ADAM32: variants seen among roughly 807,000 people sequenced by gnomAD.
ADAM32 encodes the protein disintegrin and metalloproteinase domain-containing protein 32.
ADAM32 carries 89 observed loss-of-function variants against 114.9 expected under a neutral mutation model. The ratio of observed to expected loss-of-function variants is 0.77; its 90% confidence interval spans 0.65 to 0.92. The LOEUF (loss-of-function observed/expected upper bound fraction) is 0.92, where lower values mean the gene tolerates loss of function less well. ADAM32 is among the 40% of genes least tolerant of loss of function. The probability of loss-of-function intolerance (pLI) is 0.00; values close to 1 mark genes in which losing one functional copy is unlikely to be tolerated. For missense variants in ADAM32, 870 were observed against 932.8 expected (o/e 0.93, Z 0.88); for synonymous variants, 285 against 307.5 (o/e 0.93, Z 0.77).
At chr8:39,162,786 A>G (rs948368614) in intron 7 of ADAM32, among the ~76,000 whole-genome samples, 4 of 152,162 alleles carry the variant, frequency 2.6e-5, no homozygotes, top group Non-Finnish European at 5.9e-5. Flanking sequence ...GGATCACCTG[A>G]GGTCAGGAGT....
intron 17 of ADAM32, 116 bp from the exon 18 acceptor site, chr8:39,254,298 C>G: frequency 1.5e-6 from 1 of 687,136 alleles, no homozygotes; most frequent in South Asian, 2.0e-5. Context: ...ATATGTGAGA[C>G]TGTCGCTCTA....
At position 39,262,943 on chromosome 8, in the gene ADAM32, A is replaced by G. The variant is rs146091823; in HGVS notation, c.2162+5600A>G. 7.2e-3 allele frequency among the ~76,000 whole-genome samples: 1,090 copies of G among 152,106 alleles called. 17 individuals carry two copies. The highest frequency in any genetic ancestry group is 0.024 in the African/African-American group (1,010 of 41,512). ...GGCTGGTCTCAAACTCCTGGCCTCAAGTGATCTGCCCACCTTGGCTTTGCA... is the reference window on the plus strand; with the variant it reads ...GGCTGGTCTCAAACTCCTGGCCTCAGGTGATCTGCCCACCTTGGCTTTGCA... On this transcript the variant is annotated intron_variant, in intron 19 of 24. Coordinates refer to ENST00000379907, the MANE Select transcript of ADAM32 (RefSeq NM_145004.7).
intron 16 of ADAM32, among the ~76,000 whole-genome samples, chr8:39,235,559 G>C (rs1280491118): frequency 2.0e-5 from 3 of 152,152 alleles, no homozygotes; most frequent in African/African-American, 7.2e-5. Flanking sequence ...GAGATGATTT[G>C]ATAAGTAATT....
intron 17 of ADAM32, 134 bp from the exon 18 acceptor site, chr8:39,254,280 A>T: frequency 1.6e-6 from 1 of 633,964 alleles, no homozygotes; most frequent in Non-Finnish European, 2.5e-6. Context: ...TAAGAAACCA[A>T]ACATTTGATA....
At chr8:39,174,548 G>A (rs923777006) in intron 10 of ADAM32, among the ~76,000 whole-genome samples, 2 of 151,664 alleles carry the variant, frequency 1.3e-5, no homozygotes, top group African/African-American at 4.8e-5. Context: ...TAGGGTACAT[G>A]TGCACAATGT....
chr8:39,258,220 G>T (rs1292822540), intron 19 of ADAM32, among the ~76,000 whole-genome samples: 2 of 151,380 alleles, frequency 1.3e-5, no homozygotes, highest in African/African-American at 4.8e-5. Context: ...TTTCATTGTG[G>T]TCTCTATTTC....
At chr8:39,213,819 G>T (rs922197400) in intron 12 of ADAM32, among the ~76,000 whole-genome samples, 3 of 151,664 alleles carry the variant, frequency 2.0e-5, no homozygotes, top group Middle Eastern at 3.4e-3. Flanking sequence ...TTACTCCCTT[G>T]TCCCCTCCCC....
chr8:39,246,908 C>G (rs768591323), intron 17 of ADAM32, among the ~76,000 whole-genome samples: 5 of 152,096 alleles, frequency 3.3e-5, no homozygotes, highest in Admixed American at 1.3e-4. Flanking sequence ...TACTGTTTTC[C>G]TAGGTTTTTC....
intron 6 of ADAM32, among the ~76,000 whole-genome samples, chr8:39,154,245 T>C (rs1262878671): frequency 6.6e-6 from 1 of 152,004 alleles, no homozygotes; most frequent in Non-Finnish European, 1.5e-5. Context: ...TGTGTCCATG[T>C]GTTCTCATTG....
intron 2 of ADAM32, among the ~76,000 whole-genome samples, chr8:39,120,004 G>T (rs1840525672): frequency 6.6e-6 from 1 of 152,182 alleles, no homozygotes; most frequent in South Asian, 2.1e-4. Context: ...CAAACTGAAG[G>T]TCATGAAAGG....
chr8:39,161,034 G>C, intron 7 of ADAM32, 69 bp downstream of exon 7: 2 of 1,342,706 alleles, frequency 1.5e-6, no homozygotes, highest in Middle Eastern at 1.8e-4. Context: ...TAGCTAGCTA[G>C]ACAGAAACTA....
intron 3 of ADAM32, among the ~76,000 whole-genome samples, chr8:39,141,694 T>A (rs1026826347): frequency 8.5e-5 from 13 of 152,222 alleles, no homozygotes; most frequent in African/African-American, 3.1e-4. Context: ...GTTCTGTATA[T>A]GTCTATTAGG....
At chr8:39,245,780 T>C (rs1810876268) in intron 16 of ADAM32, among the ~76,000 whole-genome samples, 1 of 152,224 alleles carries the variant, frequency 6.6e-6, no homozygotes, top group African/African-American at 2.4e-5. Flanking sequence ...TATTTAGATG[T>C]TTGCTAAAAC....
In ADAM32 at chr8:39,275,619, A is replaced by G. The variant is rs575937218; in HGVS notation, c.2241-209A>G. On this transcript the variant is annotated intron_variant, in intron 21 of 24. Coordinates refer to ENST00000379907, the MANE Select transcript of ADAM32 (RefSeq NM_145004.7). The stretch of plus-strand genomic sequence containing the variant: ...TCCTCTGCTTAGTTGAATATTTGAA[A>G]TTTAAACTTTTTATGGACATTGTAT... 2.7e-4 allele frequency among the ~76,000 whole-genome samples: 41 copies of G among 152,376 alleles called. 1 individual carries two copies. Among genetic ancestry groups the G allele is most frequent in the African/African-American group, 9.4e-4 (39 of 41,596 alleles).
intron 19 of ADAM32, among the ~76,000 whole-genome samples, chr8:39,266,205 A>G (rs751968457): frequency 6.6e-6 from 1 of 152,192 alleles, no homozygotes; most frequent in Non-Finnish European, 1.5e-5. Context: ...TTGCATGTCA[A>G]CATCTCTAGT....
chr8:39,133,238 C>G (rs560469340), intron 2 of ADAM32, among the ~76,000 whole-genome samples: 1 of 152,316 alleles, frequency 6.6e-6, no homozygotes, highest in Non-Finnish European at 1.5e-5. Context: ...GCACCTCTCC[C>G]TCTCTCTTTC....
chr8:39,154,811 TC>T (rs950037646), intron 6 of ADAM32, among the ~76,000 whole-genome samples: 18 of 152,310 alleles, frequency 1.2e-4, no homozygotes, highest in African/African-American at 4.1e-4. Context: ...GCTTTTTTTT[TC>T]ATATGTTTGT....
intron 18 of ADAM32, among the ~76,000 whole-genome samples, chr8:39,255,251 G>A (rs529779402): frequency 1.1e-3 from 172 of 151,938 alleles, no homozygotes; most frequent in Middle Eastern, 6.8e-3. Flanking sequence ...TCCAATAGTG[G>A]GATTGCTGGA....
chr8:39,269,624 C>T (rs541509684), intron 19 of ADAM32, among the ~76,000 whole-genome samples: 4 of 152,272 alleles, frequency 2.6e-5, no homozygotes, highest in Middle Eastern at 6.8e-3. Context: ...CAGATTAAAG[C>T]GTTTTTAAAG....
Sources: allele counts gnomAD v4.1 joint callset (sites outside exome capture counted in the v4.1 genomes callset), GRCh38; gene constraint gnomAD v4.1.1; transcripts MANE v1.5; gene names NCBI Gene and HGNC (gene_info 2026-07-23, HGNC 2026-07-21).